MAEL: variants seen among roughly 807,000 people sequenced by gnomAD.
MAEL encodes the protein maelstrom spermatogenic transposon silencer.
MAEL carries 46 observed loss-of-function variants against 62.0 expected under a neutral mutation model. The observed-to-expected ratio is 0.74, with a 90% CI of 0.59 to 0.95. MAEL has a LOEUF of 0.95. Ranked by LOEUF, MAEL falls within the 40% of genes least tolerant of loss-of-function variation. MAEL has a pLI of 0.00. For missense variants in MAEL, 497 were observed against 526.8 expected (o/e 0.94, Z 0.55); for synonymous variants, 172 against 175.5 (o/e 0.98, Z 0.16).
intron 8 of MAEL, among the ~76,000 whole-genome samples, chr1:167,013,976 C>T (rs1374736896): frequency 1.3e-5 from 2 of 152,144 alleles, no homozygotes; most frequent in Admixed American, 1.3e-4. Flanking sequence ...TCTTCTCTTT[C>T]TGCTCTGAGT....
intron 5 of MAEL, among the ~76,000 whole-genome samples, chr1:166,998,514 C>T (rs1240180504): frequency 6.6e-6 from 1 of 152,146 alleles, no homozygotes; most frequent in African/African-American, 2.4e-5. Context: ...TCTTTCTAAT[C>T]TACATATCTT....
At position 167,010,689 on chromosome 1, in the gene MAEL, C is replaced by T. The variant is rs539659666; in HGVS notation, c.845+5292C>T. On this transcript the variant is annotated intron_variant, in intron 8 of 11. Transcript: ENST00000367872. ...TGTCGAACTTCTGGCCTCAAGTGAT[C>T]TTCCTGCCTCAGCCTTCCAAATTGC... Among the ~76,000 whole-genome samples, 109 of 152,240 alleles carry T rather than the reference C, an allele frequency of 7.2e-4. 1 individual carries two copies. The highest frequency in any genetic ancestry group is 2.5e-3 in the African/African-American group (103 of 41,536).
chr1:166,984,643 G>A (rs780321204), upstream of MAEL, among the ~76,000 whole-genome samples: 24 of 152,186 alleles, frequency 1.6e-4, no homozygotes, highest in African/African-American at 2.6e-4. Context: ...TGGTCAAGCC[G>A]AAATCCCTGT....
At chr1:167,005,226 T>C (rs771251384) in intron 7 of MAEL, 30 bp from the exon 8 acceptor site, 1 of 1,611,736 alleles carries the variant, frequency 6.2e-7, no homozygotes, top group Admixed American at 1.7e-5. Context: ...ATTTACTAAT[T>C]GTATGTGTTT....
chr1:166,976,849 G>A lies in MAEL; in HGVS notation c.-121+1183G>A, dbSNP rs192730378. 1.3e-4 allele frequency among the ~76,000 whole-genome samples: 20 copies of A among 152,300 alleles called. No individual in the cohort carries two copies. The East Asian group carries it at 3.3e-3, about 25-fold the overall frequency. ...CCCTGGGCAGCTGTCTTTTATGGCT[G>A]CCTGACATCTCAATTCCCTTCTTAT... On this transcript the variant is annotated intron_variant, in intron 1 of 12. Coordinates refer to the MAEL transcript ENST00000622874.
intron 8 of MAEL, among the ~76,000 whole-genome samples, chr1:167,014,865 A>C (rs186445714): frequency 1.3e-5 from 2 of 152,338 alleles, no homozygotes; most frequent in African/African-American, 4.8e-5. Flanking sequence ...TCTACTAAAA[A>C]TACAAAAATT....
In MAEL at chr1:166,989,766, C is replaced by T. The variant is rs779808013; in HGVS notation, c.162C>T (p.Tyr54=). The part of the protein sequence containing the change: ...ALLREEEKEK[Y]AEMAREWRAA... ...TGAGGGAGGAAGAAAAGGAGAAATA[C>T]GCAGAAATGGCTCGAGAATGGAGGG... The change falls in exon 2 of 12, where the codon TAC becomes TAT. Residue 54 remains tyrosine, a synonymous_variant. Coordinates refer to ENST00000367872, the MANE Select transcript of MAEL (RefSeq NM_032858.3). 9 of 1,613,898 alleles carry T rather than the reference C, an allele frequency of 5.6e-6. No homozygotes were observed. Among genetic ancestry groups the T allele is most frequent in the Non-Finnish European group, 5.9e-6 (7 of 1,179,964 alleles).
chr1:166,998,695 C>T (rs1198128852), intron 5 of MAEL, among the ~76,000 whole-genome samples: 2 of 152,146 alleles, frequency 1.3e-5, no homozygotes, highest in African/African-American at 4.8e-5. Flanking sequence ...TACATGCACA[C>T]CTTGTTTTAT....
At chr1:167,010,098 G>T (rs550739527) in intron 8 of MAEL, among the ~76,000 whole-genome samples, 2 of 152,098 alleles carry the variant, frequency 1.3e-5, no homozygotes, top group East Asian at 3.9e-4. Flanking sequence ...GGATCATGGC[G>T]GTTCCCCCAT....
At chr1:166,982,216 C>T (rs1470881252) in intron 1 of MAEL, among the ~76,000 whole-genome samples, 1 of 152,194 alleles carries the variant, frequency 6.6e-6, no homozygotes, top group Non-Finnish European at 1.5e-5. Context: ...TATCACTTAA[C>T]TTTGGCAAAG....
Position 167,017,827 on chromosome 1 carries a change from G to T in MAEL, c.909G>T (p.Ala303=). ...AGTGAGATTTTTATTTCTTTTAAAG[G>T]TACTGCATCAGTAATTCTCTGGCCA... ...FCALAVCKKI[A]YCISNSLATL... is the part of the protein sequence containing the mutation. The change falls in exon 10 of 12, where the codon GCG becomes GCT. Residue 303 remains alanine (A), a splice_region_variant and synonymous_variant. Coordinates refer to ENST00000367872, the MANE Select transcript of MAEL (RefSeq NM_032858.3). 1 of 1,608,846 alleles carries T rather than the reference G, an allele frequency of 6.2e-7. No homozygotes were observed.
chr1:166,995,652 G>A (rs1018928831), intron 5 of MAEL, among the ~76,000 whole-genome samples: 8 of 150,348 alleles, frequency 5.3e-5, no homozygotes, highest in Admixed American at 5.3e-4. Context: ...TACATCATCT[G>A]AGGTTATTGA....
chr1:166,982,956 G>A (rs751310556), intron 1 of MAEL, among the ~76,000 whole-genome samples: 5 of 152,190 alleles, frequency 3.3e-5, no homozygotes, highest in African/African-American at 4.8e-5. Context: ...CCTTCTAGTC[G>A]TTGCTCAAAT....
At chr1:166,998,528 T>A (rs1459217000) in intron 5 of MAEL, among the ~76,000 whole-genome samples, 2 of 152,192 alleles carry the variant, frequency 1.3e-5, no homozygotes, top group Non-Finnish European at 1.5e-5. Flanking sequence ...ATATCTTCAT[T>A]TAAAATTTTT....
intron 8 of MAEL, among the ~76,000 whole-genome samples, chr1:167,008,194 T>G (rs2102107525): frequency 6.6e-6 from 1 of 152,140 alleles, no homozygotes; most frequent in East Asian, 1.9e-4. Context: ...AATCTACTTT[T>G]GTGTCTTTCA....
rs560486398 is a variant in MAEL, at chr1:166,989,811, T to C, written c.207T>C (p.Pro69=). Reference sequence around the variant, plus strand: ...GGAGGGCCGCTCAGGGAAAGGACCCTGGGCCCTCAGAGAAGCAGGTAAAGT... The same window carrying C: ...GGAGGGCCGCTCAGGGAAAGGACCCCGGGCCCTCAGAGAAGCAGGTAAAGT... ...REWRAAQGKD[P]GPSEKQKPVF... Residue 69 remains proline (P), a synonymous_variant, in exon 2 of 12, where the codon CCT becomes CCC. Transcript: ENST00000367872. 12 of 1,612,702 alleles carry C rather than the reference T, an allele frequency of 7.4e-6. No individual in the cohort carries two copies. The highest frequency in any genetic ancestry group is 1.3e-5 in the African/African-American group (1 of 74,892).
intron 4 of MAEL, among the ~76,000 whole-genome samples, chr1:166,993,223 C>G (rs1664268874): frequency 1.3e-5 from 2 of 152,090 alleles, no homozygotes. Context: ...GCTTTGTAGC[C>G]TTGAAGAAAT....
intron 5 of MAEL, among the ~76,000 whole-genome samples, chr1:166,999,198 AT>A (rs1325565695): frequency 6.6e-6 from 1 of 152,204 alleles, no homozygotes; most frequent in Non-Finnish European, 1.5e-5. Context: ...TGAGGAATGC[AT>A]ATCAAAAGCT....
At chr1:166,984,781 G>GTTCC, upstream of MAEL, among the ~76,000 whole-genome samples, 1 of 152,236 alleles carries the variant, frequency 6.6e-6, no homozygotes, top group East Asian at 1.9e-4. Flanking sequence ...TACACATACT[G>GTTCC]TTCCCTCTGT....
Sources: allele counts gnomAD v4.1 joint callset (sites outside exome capture counted in the v4.1 genomes callset), GRCh38; gene constraint gnomAD v4.1.1; transcripts MANE v1.5; gene names NCBI Gene and HGNC (gene_info 2026-07-23, HGNC 2026-07-21).